Variants in CCDC85A observed in about 807,000 individuals in gnomAD.
CCDC85A encodes the protein coiled-coil domain-containing protein 85A.
In CCDC85A, 38 loss-of-function variants were observed where a neutral mutation model predicts 50.2. The ratio of observed to expected loss-of-function variants is 0.76; its 90% confidence interval spans 0.58 to 0.99. CCDC85A has a LOEUF of 0.99. Among genes scored for constraint, CCDC85A ranks in the 50% least tolerant of loss-of-function variants. CCDC85A has a pLI of 0.00. For missense variants in CCDC85A, 820 were observed against 742.0 expected, an observed-to-expected ratio of 1.11 and a Z score of -1.22; for synonymous variants, 366 against 301.4, an observed-to-expected ratio of 1.21 and a Z score of -2.22.
intron 2 of CCDC85A, among the ~76,000 whole-genome samples, chr2:56,255,517 A>G (rs772973172): frequency 6.6e-5 from 10 of 152,160 alleles, no homozygotes; most frequent in Non-Finnish European, 1.5e-4. Flanking sequence ...AAAAAGAGTC[A>G]TCAGAGGAGA....
intron 3 of CCDC85A, among the ~76,000 whole-genome samples, chr2:56,349,268 G>A (rs573022322): frequency 1.3e-5 from 2 of 152,074 alleles, no homozygotes; most frequent in Non-Finnish European, 2.9e-5. Context: ...ATGGAACAAC[G>A]TTTTCTCTAA....
At position 56,193,496 on chromosome 2, in the gene CCDC85A, C is replaced by G; in HGVS notation, c.1240+56C>G. The G allele has an allele frequency of 2.7e-6, 4 of 1,500,458 alleles. No homozygotes were observed. The South Asian group carries it at 3.9e-5, about 15-fold the overall frequency. The allele number at this position is 1,500,458 out of a possible 1,614,324, so 92.9% of individuals were successfully genotyped here. ...GGCTGGGGAACTCAGTAGAGAGTTA[C>G]GAATGATGATGGACTTTCCAGCCAT... On this transcript the variant is annotated intron_variant, in intron 2 of 5. Transcript: ENST00000407595.
intron 2 of CCDC85A, among the ~76,000 whole-genome samples, chr2:56,310,250 A>C (rs551761878): frequency 2.0e-5 from 3 of 152,274 alleles, no homozygotes; most frequent in African/African-American, 7.2e-5. Context: ...ATGCTGGCTT[A>C]TTTTGACAAG....
intron 3 of CCDC85A, among the ~76,000 whole-genome samples, chr2:56,363,803 G>A (rs1675655408): frequency 6.6e-6 from 1 of 152,182 alleles, no homozygotes; most frequent in Admixed American, 6.5e-5. Flanking sequence ...CAGATGCAAT[G>A]TTAATTAGCA....
chr2:56,228,519 C>A (rs1389329098), intron 2 of CCDC85A, among the ~76,000 whole-genome samples: 1 of 150,158 alleles, frequency 6.7e-6, no homozygotes, highest in African/African-American at 2.5e-5. Context: ...TCTTTCTCCC[C>A]TTTATTTTTT....
At chr2:56,338,430 G>A (rs933718181) in intron 2 of CCDC85A, among the ~76,000 whole-genome samples, 4 of 152,108 alleles carry the variant, frequency 2.6e-5, no homozygotes, top group African/African-American at 9.7e-5. Context: ...GCAGCATGGG[G>A]AAGGGGGTTG....
At chr2:56,370,571 T>C (rs545128227) in intron 3 of CCDC85A, among the ~76,000 whole-genome samples, 1 of 152,220 alleles carries the variant, frequency 6.6e-6, no homozygotes, top group Non-Finnish European at 1.5e-5. Context: ...AAAATACATA[T>C]TTAATATATT....
At chr2:56,270,764 A>G (rs1047383483) in intron 2 of CCDC85A, among the ~76,000 whole-genome samples, 4 of 152,178 alleles carry the variant, frequency 2.6e-5, no homozygotes, top group Non-Finnish European at 1.5e-5. Flanking sequence ...AATCAGCAAT[A>G]AAGACAAAGG....
chr2:56,333,215 C>T (rs1445748280), intron 2 of CCDC85A, among the ~76,000 whole-genome samples: 12 of 152,094 alleles, frequency 7.9e-5, no homozygotes, highest in African/African-American at 2.7e-4. Flanking sequence ...GGAGGTGTGG[C>T]AGGTGGCAGG....
intron 4 of CCDC85A, among the ~76,000 whole-genome samples, chr2:56,375,368 C>T (rs888688010): frequency 6.6e-5 from 10 of 151,974 alleles, no homozygotes; most frequent in Admixed American, 6.6e-4. Flanking sequence ...TAGGTCTTTC[C>T]CTCAAAGAAG....
chr2:56,331,931 C>T (rs1673820648), intron 2 of CCDC85A, among the ~76,000 whole-genome samples: 1 of 152,184 alleles, frequency 6.6e-6, no homozygotes, highest in Non-Finnish European at 1.5e-5. Flanking sequence ...GGACTGCTGC[C>T]CCCTGCCCCC....
chr2:56,314,538 T>C (rs1262705033), intron 2 of CCDC85A, among the ~76,000 whole-genome samples: 2 of 152,164 alleles, frequency 1.3e-5, no homozygotes, highest in Non-Finnish European at 2.9e-5. Context: ...CCAAGATTTA[T>C]AATGCTCATT....
intron 2 of CCDC85A, among the ~76,000 whole-genome samples, chr2:56,328,902 C>T (rs1156565104): frequency 3.3e-5 from 5 of 152,104 alleles, no homozygotes; most frequent in Non-Finnish European, 2.9e-5. Flanking sequence ...TGTTTCTTTT[C>T]TCTCTGGGTG....
chr2:56,343,054 A>G (rs897906358), intron 3 of CCDC85A, 99 bp downstream of exon 3: 19 of 813,802 alleles, frequency 2.3e-5, no homozygotes, highest in Admixed American at 1.9e-4. Context: ...CTTTTAAATG[A>G]TAGAAATCAT....
chr2:56,254,860 G>A (rs1452490615), intron 2 of CCDC85A, among the ~76,000 whole-genome samples: 1 of 152,182 alleles, frequency 6.6e-6, no homozygotes, highest in African/African-American at 2.4e-5. Context: ...TTTGTCTGAT[G>A]GGGTAGTTTG....
intron 2 of CCDC85A, among the ~76,000 whole-genome samples, chr2:56,303,812 CTGTTA>C (rs1468107818): frequency 6.6e-6 from 1 of 151,994 alleles, no homozygotes; most frequent in Non-Finnish European, 1.5e-5. Flanking sequence ...GTGCTTTAGA[CTGTTA>C]TGTTCTGGCA....
chr2:56,347,135 T>G (rs1458395772), intron 3 of CCDC85A, among the ~76,000 whole-genome samples: 1 of 152,200 alleles, frequency 6.6e-6, no homozygotes, highest in East Asian at 1.9e-4. Flanking sequence ...TACTTACAAA[T>G]AAATACAGGT....
rs183094629 is a variant in CCDC85A, at chr2:56,337,851, C to G, written c.1241-5028C>G. On this transcript the variant is annotated intron_variant, in intron 2 of 5. Coordinates refer to ENST00000407595, the MANE Select transcript of CCDC85A (RefSeq NM_001080433.2). ...CCAAGCTGGAGTGCAGTGGCACGATCTCCGCTCACTGCAACCTCCGCCTCC... is the reference window on the plus strand; with the variant it reads ...CCAAGCTGGAGTGCAGTGGCACGATGTCCGCTCACTGCAACCTCCGCCTCC... Among the ~76,000 whole-genome samples the G allele has an allele frequency of 9.0e-3, 1,352 of 150,952 alleles. 28 individuals carry two copies. Among genetic ancestry groups the G allele is most frequent in the African/African-American group, 0.03 (1,228 of 40,942 alleles).
Position 56,192,598 on chromosome 2 carries a change from C to T in CCDC85A, c.398C>T (p.Thr133Ile). ...SREWQRLGRY[T>I]AGVMHKEVAL... ...GAGTGGCAGAGACTGGGTCGCTACACTGCCGGGGTGATGCACAAGGAAGTG... is the reference window on the plus strand; with the variant it reads ...GAGTGGCAGAGACTGGGTCGCTACATTGCCGGGGTGATGCACAAGGAAGTG... The change falls in exon 2 of 6, where the codon ACT becomes ATT. Residue 133 changes from threonine (T) to isoleucine (I), a missense_variant. Thr to Ile is a moderately conservative substitution (Grantham distance 89, BLOSUM62 -1). Transcript: ENST00000407595. The surrounding 1 kb of genome is among the most constrained non-coding windows in gnomAD (Gnocchi z 4.7). 2 of 1,613,954 alleles carry T rather than the reference C, an allele frequency of 1.2e-6. No individual in the cohort carries two copies. The highest frequency in any genetic ancestry group is 1.3e-5 in the African/African-American group (1 of 75,020).
Sources: allele counts gnomAD v4.1 joint callset (sites outside exome capture counted in the v4.1 genomes callset), GRCh38; gene constraint gnomAD v4.1.1; non-coding constraint Gnocchi (gnomAD v3.1); transcripts MANE v1.5; gene names NCBI Gene and HGNC (gene_info 2026-07-23, HGNC 2026-07-21).